PCDH9: variants seen among roughly 807,000 people sequenced by gnomAD.
PCDH9 encodes protocadherin 9, also known as protocadherin-9.
Under a neutral mutation model 70.6 loss-of-function variants are expected in PCDH9, and 24 were observed. The ratio of observed to expected loss-of-function variants is 0.34; its 90% CI spans 0.25 to 0.48. The LOEUF is 0.48. Among genes scored for constraint, PCDH9 ranks in the 20% least tolerant of loss-of-function variants. PCDH9 has a pLI of 0.99. For synonymous variants in PCDH9, 562 were observed against 558.5 expected, an observed-to-expected ratio of 1.01 and a Z score of -0.09; for missense variants, 1,281 against 1,503.6, an observed-to-expected ratio of 0.85 and a Z score of 2.45.
At chr13:66,618,701 TTATC>T (rs1490242977) in intron 4 of PCDH9, among the ~76,000 whole-genome samples, 3 of 152,200 alleles carry the variant, frequency 2.0e-5, no homozygotes, top group African/African-American at 7.2e-5. Flanking sequence ...ACATATCTAT[TTATC>T]TATCATTTTT....
rs541693046 is a variant in PCDH9, at chr13:66,980,791, C to T, written c.3037-77186G>A. On this transcript the variant is annotated intron_variant, in intron 2 of 4. Transcript: ENST00000377865. ...CCTACTCCTTGCTTAGTACTTGGCA[C>T]CCAGTAGGAGCTTATAAATATTTGT... is the stretch of plus-strand genomic sequence containing the variant. 5.5e-5 allele frequency among the ~76,000 whole-genome samples: 7 copies of T among 127,850 alleles called. No individual in the cohort carries two copies. The South Asian group carries it at 7.2e-4, about 13-fold the overall frequency. 83.9% of individuals were successfully genotyped at this position (127,850 alleles called of 152,430 possible).
At chr13:67,131,596 T>G (rs554411389) in intron 2 of PCDH9, among the ~76,000 whole-genome samples, 1 of 152,126 alleles carries the variant, frequency 6.6e-6, no homozygotes, top group Non-Finnish European at 1.5e-5. Context: ...CATGATGACA[T>G]GCTATTTTTC....
intron 3 of PCDH9, among the ~76,000 whole-genome samples, chr13:66,788,650 T>C (rs2080116570): frequency 2.4e-5 from 1 of 41,898 alleles, no homozygotes; most frequent in Non-Finnish European, 7.4e-5. Context: ...AAACAGTAAT[T>C]TTTTTTTTTT....
At chr13:66,375,266 T>G (rs890021351) in intron 4 of PCDH9, among the ~76,000 whole-genome samples, 1 of 152,092 alleles carries the variant, frequency 6.6e-6, no homozygotes, top group Non-Finnish European at 1.5e-5. Flanking sequence ...TAACCCCACA[T>G]GTCATCTGTA....
At chr13:67,134,864 AAAC>A (rs1207975276) in intron 2 of PCDH9, among the ~76,000 whole-genome samples, 1 of 152,086 alleles carries the variant, frequency 6.6e-6, no homozygotes, top group African/African-American at 2.4e-5. Flanking sequence ...AAACTGTCTC[AAAC>A]AACTGATTAT....
intron 2 of PCDH9, among the ~76,000 whole-genome samples, chr13:67,112,856 C>A (rs1349787347): frequency 6.6e-6 from 1 of 152,064 alleles, no homozygotes; most frequent in Non-Finnish European, 1.5e-5. Context: ...GTAGCTGGGA[C>A]TACAGGTGTG....
intron 4 of PCDH9, among the ~76,000 whole-genome samples, chr13:66,417,146 A>G (rs1354676213): frequency 1.3e-5 from 2 of 152,114 alleles, no homozygotes; most frequent in African/African-American, 4.8e-5. Context: ...CATCTACCTT[A>G]GGTATTTCTC....
intron 3 of PCDH9, among the ~76,000 whole-genome samples, chr13:66,788,944 A>G (rs2080122557): frequency 6.6e-6 from 1 of 152,076 alleles, no homozygotes. Context: ...TGATTTAAGA[A>G]AATCTAGCAC....
chr13:66,770,126 G>T (rs2079783155), intron 3 of PCDH9, among the ~76,000 whole-genome samples: 1 of 152,062 alleles, frequency 6.6e-6, no homozygotes, highest in Non-Finnish European at 1.5e-5. Flanking sequence ...CTTTCATTAG[G>T]ATAAAGGCAG....
At chr13:66,746,343 G>C (rs9540890) in intron 3 of PCDH9, among the ~76,000 whole-genome samples, 135,753 of 152,228 alleles carry the variant, frequency 0.89, 62,589 homozygotes, top group Non-Finnish European at 1. Flanking sequence ...CTCAATATTT[G>C]TTTCATTTCA....
At chr13:66,367,796 T>C (rs1418998349) in intron 4 of PCDH9, among the ~76,000 whole-genome samples, 2 of 152,148 alleles carry the variant, frequency 1.3e-5, no homozygotes, top group Non-Finnish European at 2.9e-5. Context: ...GGAAAGCCAT[T>C]GAAATATCTT....
chr13:66,494,573 G>T (rs1959083472), intron 4 of PCDH9, among the ~76,000 whole-genome samples: 1 of 151,994 alleles, frequency 6.6e-6, no homozygotes, highest in African/African-American at 2.4e-5. Flanking sequence ...CTCTCTCTCT[G>T]TCTCTCACTC....
intron 3 of PCDH9, among the ~76,000 whole-genome samples, chr13:66,814,241 A>G (rs1291357232): frequency 1.3e-5 from 2 of 152,280 alleles, no homozygotes; most frequent in East Asian, 1.9e-4. Context: ...AATGGATTCA[A>G]TGACTACTCT....
At chr13:66,309,632 T>C (rs1247881893) in intron 4 of PCDH9, among the ~76,000 whole-genome samples, 3 of 151,806 alleles carry the variant, frequency 2.0e-5, no homozygotes, top group African/African-American at 4.8e-5. Flanking sequence ...CACTAAACTG[T>C]AATCCTTTTT....
chr13:66,862,518 A>G (rs911268025), intron 3 of PCDH9, among the ~76,000 whole-genome samples: 16 of 152,202 alleles, frequency 1.1e-4, no homozygotes, highest in African/African-American at 3.6e-4. Flanking sequence ...TCTGCTGTGT[A>G]GACAGCCTGC....
chr13:67,226,986 C>A lies in PCDH9; in HGVS notation c.1455G>T (p.Gly485=), dbSNP rs750571799. Reference sequence around the variant, plus strand: ...TGGCACTAATAGTTGTTAAGTATAACCCACGTCGGTTGTTTTCAGAAACTG... The same window carrying A: ...TGGCACTAATAGTTGTTAAGTATAAACCACGTCGGTTGTTTTCAGAAACTG... ...ELSVSENNRR[G]LYLTTISATD... is the part of the protein sequence containing the mutation. Residue 485 remains glycine, a synonymous_variant, in exon 2 of 5, where the codon GGG becomes GGT. Coordinates refer to ENST00000377865, the MANE Select transcript of PCDH9 (RefSeq NM_203487.3). The surrounding 1 kb of genome is among the most constrained non-coding windows in gnomAD (Gnocchi z 5.0). 6.2e-7 allele frequency: 1 copy of A among 1,614,068 alleles called. No homozygotes were observed. The highest frequency in any genetic ancestry group is 8.5e-7 in the Non-Finnish European group (1 of 1,180,040).
chr13:66,755,307 T>G (rs1032137735), intron 3 of PCDH9, among the ~76,000 whole-genome samples: 2 of 152,308 alleles, frequency 1.3e-5, no homozygotes, highest in East Asian at 1.9e-4. Flanking sequence ...ACACAGTTAG[T>G]GTATTGTAAA....
intron 4 of PCDH9, among the ~76,000 whole-genome samples, chr13:66,516,284 T>C (rs1253332294): frequency 6.6e-6 from 1 of 151,992 alleles, no homozygotes; most frequent in Non-Finnish European, 1.5e-5. Context: ...TAGTTCAAGA[T>C]TATTACTGGG....
rs57911340 is a variant in PCDH9 at position 66,937,820 on chromosome 13, CTT to C, written c.3037-34217_3037-34216del. ...TTCCAATTCCTGTGCATCACTTTAC[CTT>C]TTTTTTTTTTGTCTATAAATTTGTT... On this transcript the variant is annotated intron_variant, in intron 2 of 4. Transcript: ENST00000377865. 4.2e-3 allele frequency among the ~76,000 whole-genome samples: 617 copies of C among 146,748 alleles called. 2 individuals are homozygous for C. Among genetic ancestry groups the C allele is most frequent in the African/African-American group, 0.012 (467 of 40,094 alleles).
Sources: gnomAD v4.1 joint callset for allele counts (sites outside exome capture counted in the v4.1 genomes callset) on GRCh38, gnomAD v4.1.1 for gene constraint, Gnocchi (gnomAD v3.1) non-coding constraint, MANE v1.5 for transcripts, NCBI Gene and HGNC (gene_info 2026-07-23, HGNC 2026-07-21) for gene names.